Variants in PPARGC1A observed in about 807,000 individuals in gnomAD.
The protein encoded by PPARGC1A is peroxisome proliferator-activated receptor gamma coactivator 1-alpha.
Under a neutral mutation model 88.7 loss-of-function variants are expected in PPARGC1A, and 25 were observed. The observed-to-expected ratio is 0.28, with a 90% CI of 0.21 to 0.39. The LOEUF is 0.39. PPARGC1A is among the 10% of genes least tolerant of loss of function. The pLI, the probability that PPARGC1A is intolerant of heterozygous loss-of-function variation, is 1.00. For synonymous variants in PPARGC1A, 363 were observed against 355.6 expected, an observed-to-expected ratio of 1.02 and a Z score of -0.24; for missense variants, 880 against 968.7, an observed-to-expected ratio of 0.91 and a Z score of 1.22.
the PPARGC1A span, among the ~76,000 whole-genome samples, chr4:24,047,199 C>G: frequency 6.6e-6 from 1 of 152,182 alleles, no homozygotes; most frequent in Non-Finnish European, 1.5e-5. Context: ...GTGATGCTCT[C>G]TCTACTCGAA....
At chr4:24,091,536 T>C in the PPARGC1A span, 1 of 985,384 alleles carries the variant, frequency 1.0e-6, no homozygotes, top group Non-Finnish European at 1.2e-6. Flanking sequence ...GTCTCATCCA[T>C]TGCTGATGCT....
intron 5 of PPARGC1A, among the ~76,000 whole-genome samples, chr4:23,826,002 A>G (rs1723861475): frequency 6.6e-6 from 1 of 152,208 alleles, no homozygotes; most frequent in Admixed American, 6.5e-5. Flanking sequence ...GCTATATGCT[A>G]TGTGACACAA....
At chr4:23,963,667 T>C in the PPARGC1A span, among the ~76,000 whole-genome samples, 5 of 152,182 alleles carry the variant, frequency 3.3e-5, no homozygotes, top group African/African-American at 1.2e-4. Flanking sequence ...GAAGTCAGTA[T>C]GTTTCCCTTC....
chr4:24,123,126 AG>A, the PPARGC1A span, among the ~76,000 whole-genome samples: 1 of 152,326 alleles, frequency 6.6e-6, no homozygotes, highest in East Asian at 1.9e-4. Context: ...CAATTGCTCC[AG>A]AGTGAGCCAA....
At chr4:24,175,002 T>A in the PPARGC1A span, among the ~76,000 whole-genome samples, 2 of 152,116 alleles carry the variant, frequency 1.3e-5, no homozygotes, top group Non-Finnish European at 2.9e-5. Flanking sequence ...TACAAATGTC[T>A]CCCAGGAATC....
chr4:24,457,701 C>T, the PPARGC1A span, among the ~76,000 whole-genome samples: 48 of 152,120 alleles, frequency 3.2e-4, 1 homozygote, highest in East Asian at 8.7e-3. Flanking sequence ...CCCGACACCA[C>T]GCCTGGCTAA....
chr4:23,864,382 A>T (rs1731774888), intron 2 of PPARGC1A, among the ~76,000 whole-genome samples: 1 of 152,230 alleles, frequency 6.6e-6, no homozygotes, highest in Non-Finnish European at 1.5e-5. Context: ...GTCTGTAATT[A>T]TCATGGTTTC....
chr4:24,063,645 G>T, the PPARGC1A span, among the ~76,000 whole-genome samples: 2 of 152,164 alleles, frequency 1.3e-5, no homozygotes, highest in Non-Finnish European at 2.9e-5. Context: ...TTATGACGTT[G>T]CAGCTTCCAT....
the PPARGC1A span, among the ~76,000 whole-genome samples, chr4:24,316,410 A>C: frequency 6.6e-6 from 1 of 152,344 alleles, no homozygotes; most frequent in Admixed American, 6.5e-5. Context: ...TTGTTATTTA[A>C]TGAGCTGTTT....
At chr4:24,369,730 G>A in the PPARGC1A span, among the ~76,000 whole-genome samples, 1 of 152,188 alleles carries the variant, frequency 6.6e-6, no homozygotes, top group African/African-American at 2.4e-5. Flanking sequence ...TGGCATATTT[G>A]CTGTTGCATA....
At chr4:24,153,828 G>T in the PPARGC1A span, among the ~76,000 whole-genome samples, 3 of 152,184 alleles carry the variant, frequency 2.0e-5, no homozygotes, top group Admixed American at 2.0e-4. Flanking sequence ...ACACCAAATT[G>T]TTACCGAACT....
the PPARGC1A span, among the ~76,000 whole-genome samples, chr4:24,470,967 G>C: frequency 6.6e-6 from 1 of 151,600 alleles, no homozygotes. This position sits in a 1 kb window ranked among gnomAD's most constrained non-coding sequence, Gnocchi z 5.8. Context: ...TTGCTTTCGG[G>C]GTTTGTCTTC....
At chr4:24,081,798 A>C in the PPARGC1A span, among the ~76,000 whole-genome samples, 1 of 151,366 alleles carries the variant, frequency 6.6e-6, no homozygotes, top group Non-Finnish European at 1.5e-5. Flanking sequence ...GTGAACAGAG[A>C]GGTGGTTTGA....
At chr4:24,357,245 T>G in the PPARGC1A span, among the ~76,000 whole-genome samples, 2 of 152,158 alleles carry the variant, frequency 1.3e-5, no homozygotes, top group African/African-American at 4.8e-5. Flanking sequence ...GCAACTCAAG[T>G]CTAAGCTAAC....
the PPARGC1A span, among the ~76,000 whole-genome samples, chr4:24,146,278 C>T: frequency 6.6e-6 from 1 of 152,132 alleles, no homozygotes; most frequent in Admixed American, 6.5e-5. Flanking sequence ...TAATGCAAAA[C>T]CAAAGTACAG....
chr4:24,333,039 C>T, the PPARGC1A span, among the ~76,000 whole-genome samples: 5 of 152,206 alleles, frequency 3.3e-5, no homozygotes, highest in South Asian at 2.1e-4. Context: ...GTCAGGAGTT[C>T]GAGACCAGAC....
At position 23,833,681 on chromosome 4, in the gene PPARGC1A, G is replaced by A. The variant is rs532602975; in HGVS notation, c.235-1930C>T. ...TACATTCTATTTTCACATAAAAATT[G>A]TTTTCCTTAATTCCTGATCACCCTC... On this transcript the variant is annotated intron_variant, in intron 2 of 12. Transcript: ENST00000264867. Among the ~76,000 whole-genome samples the A allele has an allele frequency of 9.9e-5, 15 of 152,262 alleles. 1 individual carries two copies. In the South Asian group the frequency reaches 1.7e-3, roughly 17 times the overall value.
chr4:23,865,982 C>T (rs1711881328), intron 2 of PPARGC1A: 1 of 152,092 alleles, frequency 6.6e-6, no homozygotes, highest in South Asian at 2.1e-4. Flanking sequence ...CACACATGTA[C>T]ATGTGCACTT....
At chr4:24,274,732 C>A in the PPARGC1A span, among the ~76,000 whole-genome samples, 1 of 152,106 alleles carries the variant, frequency 6.6e-6, no homozygotes, top group Non-Finnish European at 1.5e-5. Flanking sequence ...TGAAAGAGAC[C>A]ACCAAAAAGA....
Sources: gnomAD v4.1 joint callset for allele counts (sites outside exome capture counted in the v4.1 genomes callset) on GRCh38, gnomAD v4.1.1 for gene constraint, Gnocchi (gnomAD v3.1) non-coding constraint, MANE v1.5 for transcripts, NCBI Gene and HGNC (gene_info 2026-07-23, HGNC 2026-07-21) for gene names.